The following MEGF8 variants were observed in gnomAD, a reference collection of about 807,000 sequenced individuals.
MEGF8 encodes the protein multiple epidermal growth factor-like domains protein 8.
MEGF8 carries 156 observed loss-of-function variants against 302.9 expected under a neutral mutation model. The observed-to-expected ratio is 0.52, with a 90% CI of 0.45 to 0.59. The LOEUF is 0.59. Among genes scored for constraint, MEGF8 ranks in the 20% least tolerant of loss-of-function variants. The probability of loss-of-function intolerance (pLI) is 0.00; values close to 1 mark genes in which losing one functional copy is unlikely to be tolerated. For missense variants in MEGF8, 3,345 were observed against 3,964.5 expected (o/e 0.84, Z 4.20); for synonymous variants, 1,621 against 1,660.5 (o/e 0.98, Z 0.58).
At chr19:42,349,254 C>T (rs537506495) in intron 13 of MEGF8, among the ~76,000 whole-genome samples, 8 of 149,156 alleles carry the variant, frequency 5.4e-5, no homozygotes, top group South Asian at 2.1e-4. Flanking sequence ...GAGCCATGAT[C>T]GCATCACTGC....
chr19:42,346,629 A>G (rs565366336), intron 12 of MEGF8, among the ~76,000 whole-genome samples: 1 of 152,034 alleles, frequency 6.6e-6, no homozygotes, highest in Admixed American at 6.6e-5. Context: ...GTGACCCAAG[A>G]TCACGCCACT....
At position 42,349,783 on chromosome 19, in the gene MEGF8, C is replaced by T. The variant is rs2077319189; in HGVS notation, c.2499+84C>T. On this transcript the variant is annotated intron_variant, in intron 14 of 41. Coordinates refer to ENST00000251268, the MANE Select transcript of MEGF8 (RefSeq NM_001271938.2). ...GGCTTTCTGAACCCCAGGCCACAAA[C>T]TCTGAAATCCCTAGATTCTGGCCTC... The T allele has an allele frequency of 3.6e-6, 5 of 1,397,818 alleles. No homozygotes were observed. In the South Asian group the frequency reaches 6.1e-5, roughly 17 times the overall value. The allele number at this position is 1,397,818 out of a possible 1,614,324, so 86.6% of individuals were successfully genotyped here. A position where few individuals can be genotyped will look rare whatever the true frequency, so the allele number is the denominator to read the frequency against.
At chr19:42,373,706 GTTT>G (rs750576656) in intron 41 of MEGF8, among the ~76,000 whole-genome samples, 6 of 100,978 alleles carry the variant, frequency 5.9e-5, no homozygotes, top group Admixed American at 1.2e-4. Context: ...GGGCTTTTGG[GTTT>G]TTTTTTTTTT....
intron 1 of MEGF8, among the ~76,000 whole-genome samples, chr19:42,332,224 C>T (rs1423221666): frequency 6.6e-6 from 1 of 152,198 alleles, no homozygotes; most frequent in Non-Finnish European, 1.5e-5. Context: ...GCTGGGGCTG[C>T]AGTCAGCTGA....
Position 42,353,013 on chromosome 19 carries a change from C to A in MEGF8, c.3436C>A (p.Pro1146Thr). 6.4e-7 allele frequency: 1 copy of A among 1,568,886 alleles called. No homozygotes were observed. The highest frequency in any genetic ancestry group is 1.2e-5 in the South Asian group (1 of 85,286). Reference sequence around the variant, plus strand: ...TGACCTAGGCTGGACATCAGACCTGCCCCCTCCCACACCCGCCCCGGGTCC... The same window carrying A: ...TGACCTAGGCTGGACATCAGACCTGACCCCTCCCACACCCGCCCCGGGTCC... ...VCDLGWTSDL[P>T]PPTPAPGPPA... Residue 1146 changes from proline to threonine, a missense_variant, in exon 20 of 42, where the codon CCC becomes ACC. Physicochemically the swap from Pro to Thr is conservative, Grantham distance 38. Coordinates refer to ENST00000251268, the MANE Select transcript of MEGF8 (RefSeq NM_001271938.2). This position sits in a 1 kb window ranked among gnomAD's most constrained non-coding sequence, Gnocchi z 6.1.
In MEGF8 at chr19:42,374,815, G is replaced by A. The variant is rs567718915; in HGVS notation, c.7270-692G>A. Among the ~76,000 whole-genome samples, 23 of 152,330 alleles carry A rather than the reference G, an allele frequency of 1.5e-4. No homozygotes were observed. In the South Asian group the frequency reaches 2.9e-3, roughly 19 times the overall value. On this transcript the variant is annotated intron_variant, in intron 41 of 41. Coordinates refer to ENST00000251268, the MANE Select transcript of MEGF8 (RefSeq NM_001271938.2). The stretch of plus-strand genomic sequence containing the variant: ...CGCTAAGGAAAGTTAAGTAGGAAGC[G>A]GGGGCTAGGGCTGTTGGGGAGTGGG...
Position 42,369,471 on chromosome 19 carries a change from T to C in MEGF8, c.6642-60T>C, listed in dbSNP as rs910661887. 17 of 1,541,908 alleles carry C rather than the reference T, an allele frequency of 1.1e-5. No individual in the cohort carries two copies. In the African/African-American group the frequency reaches 2.3e-4, roughly 21 times the overall value. ...GAGGGTGGGGTAGTTGGTTGGGTGC[T>C]AGGCCATGAAGCCACGAGGAGGGTG... On this transcript the variant is annotated intron_variant, in intron 37 of 41. Coordinates refer to ENST00000251268, the MANE Select transcript of MEGF8 (RefSeq NM_001271938.2). This position sits in a 1 kb window ranked among gnomAD's most constrained non-coding sequence, Gnocchi z 5.7.
Position 42,358,877 on chromosome 19 carries a change from A to G in MEGF8, c.5266A>G (p.Arg1756Gly), listed in dbSNP as rs776256709. The change falls in exon 30 of 42, where the codon AGG becomes GGG. Residue 1756 changes from arginine to glycine, a missense_variant. Arg to Gly is a moderately radical substitution (Grantham distance 125). Coordinates refer to ENST00000251268, the MANE Select transcript of MEGF8 (RefSeq NM_001271938.2). This position sits in a 1 kb window ranked among gnomAD's most constrained non-coding sequence, Gnocchi z 4.4. ...TGGGTCATGGGGGTTCCGGGAAGTC[A>G]GGAAGAAGATGGCTCTGTGGGCTGC... ...QPGSWGFREV[R>G]KKMALWAALA... is the part of the protein sequence containing the mutation. 1.9e-6 allele frequency: 3 copies of G among 1,611,388 alleles called. No homozygotes were observed. The highest frequency in any genetic ancestry group is 4.5e-5 in the East Asian group (2 of 44,834).
chr19:42,343,215 C>T (rs552504865), intron 8 of MEGF8, among the ~76,000 whole-genome samples: 34 of 152,262 alleles, frequency 2.2e-4, no homozygotes, highest in African/African-American at 7.7e-4. Context: ...AGTTGATCCA[C>T]GATTTGAACC....
intron 14 of MEGF8, 45 bp downstream of exon 14, chr19:42,349,744 C>A: frequency 6.3e-7 from 1 of 1,576,726 alleles, no homozygotes; most frequent in Non-Finnish European, 8.7e-7. Context: ...CAGGCCCCAG[C>A]CTCAGATCAC....
chr19:42,376,753 A>G lies in MEGF8; in HGVS notation c.8516A>G (p.Asn2839Ser), dbSNP rs61978610. ...CGGAAGGGACTGTTGAGCCAGGACA[A>G]CCTCACCAGCATGTCCCTCTGACAT... ...AGRKGLLSQD[N>S]LTSMSL The change falls in exon 42 of 42, where the codon AAC (asparagine) becomes AGC (serine). Residue 2839 changes from asparagine to serine, a missense_variant. Physicochemically the swap from Asn to Ser is conservative, Grantham distance 46 (BLOSUM62 1). Transcript: ENST00000251268. This position sits in a 1 kb window ranked among gnomAD's most constrained non-coding sequence, Gnocchi z 8.2. 12 of 1,459,002 alleles carry G rather than the reference A, an allele frequency of 8.2e-6. No homozygotes were observed. In the East Asian group the frequency reaches 2.2e-4, roughly 27 times the overall value. The allele number at this position is 1,459,002 out of a possible 1,614,324, so 90.4% of individuals were successfully genotyped here.
intron 13 of MEGF8, 49 bp from the exon 14 acceptor site, chr19:42,349,450 G>A: frequency 6.5e-7 from 1 of 1,542,856 alleles, no homozygotes; most frequent in Non-Finnish European, 8.8e-7. Context: ...TCTGAGGAAG[G>A]AATGGGAAGG....
chr19:42,365,920 A>T (rs1417435660), intron 35 of MEGF8, among the ~76,000 whole-genome samples: 1 of 151,892 alleles, frequency 6.6e-6, no homozygotes, highest in Non-Finnish European at 1.5e-5. Context: ...TGTCTCTACT[A>T]AAAATACAAA....
Position 42,373,773 on chromosome 19 carries a change from C to T in MEGF8, c.7270-1734C>T, listed in dbSNP as rs527705665. Among the ~76,000 whole-genome samples the T allele has an allele frequency of 6.0e-4, 82 of 136,316 alleles. 2 individuals are homozygous for T. The highest frequency in any genetic ancestry group is 1.8e-3 in the East Asian group (8 of 4,568). 89.4% of individuals were successfully genotyped at this position (136,316 alleles called of 152,430 possible). Reference sequence around the variant, plus strand: ...TGTCACCCAGGCTAGAGTATAATGGCGCAATCATAGTTCACTGCAGCCTTG... The same window carrying T: ...TGTCACCCAGGCTAGAGTATAATGGTGCAATCATAGTTCACTGCAGCCTTG... On this transcript the variant is annotated intron_variant, in intron 41 of 41. Coordinates refer to ENST00000251268, the MANE Select transcript of MEGF8 (RefSeq NM_001271938.2).
chr19:42,332,541 T>G (rs561428527), intron 1 of MEGF8, among the ~76,000 whole-genome samples: 1 of 152,296 alleles, frequency 6.6e-6, no homozygotes, highest in African/African-American at 2.4e-5. Flanking sequence ...CTAATTTTTG[T>G]ATTTTTAGTA....
intron 41 of MEGF8, among the ~76,000 whole-genome samples, chr19:42,374,560 T>C (rs2039739957): frequency 1.3e-5 from 2 of 151,440 alleles, no homozygotes; most frequent in Admixed American, 6.6e-5. Context: ...ATCTCAGAAC[T>C]TGAGTGGTTT....
chr19:42,350,778 A>G (rs978239048), intron 15 of MEGF8, among the ~76,000 whole-genome samples: 1 of 152,112 alleles, frequency 6.6e-6, no homozygotes, highest in South Asian at 2.1e-4. Flanking sequence ...CCAGGCTCTA[A>G]GTCCCTGCTC....
At chr19:42,370,115 C>A (rs148720097) in intron 38 of MEGF8, 74 bp from the exon 39 acceptor site, 2 of 1,491,496 alleles carry the variant, frequency 1.3e-6, no homozygotes, top group Non-Finnish European at 1.8e-6. Context: ...TCAGAACCTG[C>A]CCCTGTGCCC....
Position 42,375,911 on chromosome 19 carries a change from G to A in MEGF8, c.7674G>A (p.Pro2558=), listed in dbSNP as rs774279106. ...DPGGAGASSG[P]GAPAEPRVRE... ...GAGGAGCAGGGGCCAGCAGTGGGCC[G>A]GGCGCCCCAGCAGAGCCACGGGTAC... Residue 2558 remains proline, a synonymous_variant, in exon 42 of 42, where the codon CCG becomes CCA. Coordinates refer to ENST00000251268, the MANE Select transcript of MEGF8 (RefSeq NM_001271938.2). The surrounding 1 kb of genome is among the most constrained non-coding windows in gnomAD (Gnocchi z 7.1). 18 of 1,598,800 alleles carry A rather than the reference G, an allele frequency of 1.1e-5. No homozygotes were observed. The East Asian group carries it at 1.8e-4, about 16-fold the overall frequency.
Sources: gnomAD v4.1 joint callset for allele counts (sites outside exome capture counted in the v4.1 genomes callset) on GRCh38, gnomAD v4.1.1 for gene constraint, Gnocchi (gnomAD v3.1) non-coding constraint, MANE v1.5 for transcripts, NCBI Gene and HGNC (gene_info 2026-07-23, HGNC 2026-07-21) for gene names.